Variants in GALK2 observed in about 807,000 individuals in gnomAD.
The protein encoded by GALK2 is N-acetylgalactosamine kinase.
A neutral mutation model predicts 52.4 loss-of-function variants in GALK2; 36 were observed. That is an observed-to-expected ratio of 0.69 (90% CI 0.53 to 0.91). The LOEUF (loss-of-function observed/expected upper bound fraction) is 0.91, where lower values mean the gene tolerates loss of function less well. GALK2 is among the 40% of genes least tolerant of loss of function. The pLI is 0.00. For synonymous variants in GALK2, 176 were observed against 199.1 expected (o/e 0.88, Z 0.98); for missense variants, 579 against 559.1 (o/e 1.04, Z -0.36).
chr15:49,168,911 T>C (rs1212954049), upstream of GALK2, among the ~76,000 whole-genome samples: 4 of 151,796 alleles, frequency 2.6e-5, no homozygotes, highest in African/African-American at 9.7e-5. Context: ...CAAGAAGATA[T>C]AATTCATTCA....
chr15:49,314,101 A>G (rs11632038), intron 8 of GALK2, among the ~76,000 whole-genome samples: 22,311 of 152,182 alleles, frequency 0.15, 2,150 homozygotes, highest in Non-Finnish European at 0.2. Flanking sequence ...AAAATAACCA[A>G]TTATGTGTGC....
chr15:49,208,343 A>G (rs955814395), intron 2 of GALK2, among the ~76,000 whole-genome samples: 2 of 152,104 alleles, frequency 1.3e-5, no homozygotes, highest in Non-Finnish European at 2.9e-5. Context: ...AGGTTTTGAT[A>G]GGTTGTGTCA....
At position 49,331,203 on chromosome 15, in the gene GALK2, C is replaced by T. The variant is rs1272852535; in HGVS notation, c.*3044C>T. Reference sequence around the variant, plus strand: ...CCCTGACCTCCAATTGTCCAGCATTCAGACATATTGTACACTAGTCTCTAC... The same window carrying T: ...CCCTGACCTCCAATTGTCCAGCATTTAGACATATTGTACACTAGTCTCTAC... On this transcript the variant is annotated 3_prime_UTR_variant, in exon 10 of 10. Transcript: ENST00000560031. The T allele has an allele frequency of 1.3e-5, 2 of 152,320 alleles. No individual in the cohort carries two copies. Among genetic ancestry groups the T allele is most frequent in the Non-Finnish European group, 2.9e-5 (2 of 68,128 alleles). 9.4% of individuals were successfully genotyped at this position (152,320 alleles called of 1,614,324 possible). A position where few individuals can be genotyped will look rare whatever the true frequency, so the allele number is the denominator to read the frequency against.
At chr15:49,174,962 T>C (rs1050404381) in intron 1 of GALK2, among the ~76,000 whole-genome samples, 5 of 152,166 alleles carry the variant, frequency 3.3e-5, no homozygotes, top group Non-Finnish European at 7.3e-5. Flanking sequence ...ACTGAAGGTG[T>C]TCTAACTTCG....
intron 3 of GALK2, 86 bp from the exon 4 acceptor site, chr15:49,235,765 T>G: frequency 1.2e-6 from 1 of 864,976 alleles, no homozygotes. Context: ...TATCGCTGTG[T>G]TGGCACAAGA....
At chr15:49,266,957 G>A (rs1056718495) in intron 5 of GALK2, among the ~76,000 whole-genome samples, 5 of 152,264 alleles carry the variant, frequency 3.3e-5, no homozygotes, top group African/African-American at 9.6e-5. Context: ...TAATTTCAGG[G>A]GATTGAGAGT....
At position 49,367,603 on chromosome 15, in the gene GALK2, G is replaced by A. The variant is rs1376517157; in HGVS notation, c.*67G>A. 5.8e-6 allele frequency: 9 copies of A among 1,559,294 alleles called. No homozygotes were observed. In the African/African-American group the frequency reaches 1.3e-4, roughly 22 times the overall value. ...TAAACTCTGGACCAGTACTACTATA[G>A]TGCGACTGTAAGAGGAAGAAAATAA... On this transcript the variant is annotated 3_prime_UTR_variant, in exon 4 of 4. Transcript: ENST00000558399.
chr15:49,189,254 A>G (rs527804352), intron 1 of GALK2, among the ~76,000 whole-genome samples: 1 of 152,308 alleles, frequency 6.6e-6, no homozygotes, highest in Admixed American at 6.5e-5. Flanking sequence ...TTGAATGCGT[A>G]TTTCCTAAAC....
At chr15:49,229,791 C>T (rs1488168717) in intron 3 of GALK2, among the ~76,000 whole-genome samples, 6 of 152,050 alleles carry the variant, frequency 3.9e-5, no homozygotes, top group Non-Finnish European at 8.8e-5. Context: ...TGGCAGCAGT[C>T]GTAGACAATT....
At chr15:49,197,740 A>G (rs75247230) in intron 1 of GALK2, among the ~76,000 whole-genome samples, 2,726 of 152,212 alleles carry the variant, frequency 0.018, 37 homozygotes, top group Middle Eastern at 0.031. Flanking sequence ...GTAATTATAT[A>G]CTATGGTACA....
intron 2 of GALK2, among the ~76,000 whole-genome samples, chr15:49,216,733 C>G (rs1372484118): frequency 2.0e-5 from 3 of 152,216 alleles, no homozygotes; most frequent in African/African-American, 7.2e-5. Context: ...TAAATGCCCC[C>G]TCCTTGGGTG....
intron 3 of GALK2, 33 bp downstream of exon 3, chr15:49,217,346 G>A (rs769017524): frequency 6.2e-7 from 1 of 1,607,768 alleles, no homozygotes; most frequent in South Asian, 1.1e-5. Context: ...GTGTGTGTAT[G>A]TATGGTTCTG....
intron 2 of GALK2, among the ~76,000 whole-genome samples, chr15:49,209,847 A>G (rs1425153503): frequency 6.6e-6 from 1 of 152,172 alleles, no homozygotes; most frequent in Non-Finnish European, 1.5e-5. Context: ...TGCTGGCCTC[A>G]TAGAATAGTT....
At chr15:49,280,037 G>A (rs1057444154) in intron 5 of GALK2, among the ~76,000 whole-genome samples, 2 of 152,332 alleles carry the variant, frequency 1.3e-5, no homozygotes, top group East Asian at 3.9e-4. Flanking sequence ...GAAATTGAAA[G>A]CAGCAGGTGT....
At chr15:49,305,528 C>T (rs1269106634) in intron 8 of GALK2, among the ~76,000 whole-genome samples, 1 of 152,138 alleles carries the variant, frequency 6.6e-6, no homozygotes, top group African/African-American at 2.4e-5. Context: ...TCAAGGGCCA[C>T]TGATGGAACA....
rs1344285680 is a variant in GALK2 at position 49,359,340 on chromosome 15, C to G, written c.427-8151C>G. ...GAGAAAATTTTCGCAACCTACTCAT[C>G]TGACAAAGGGCTAATATCCAGAATC... On this transcript the variant is annotated intron_variant, in intron 3 of 3. Transcript: ENST00000558399. Among the ~76,000 whole-genome samples the G allele has an allele frequency of 3.0e-4, 36 of 120,036 alleles. 3 individuals carry two copies. Among genetic ancestry groups the G allele is most frequent in the African/African-American group, 1.1e-3 (34 of 31,340 alleles). The allele number at this position is 120,036 out of a possible 152,430, so 78.7% of individuals were successfully genotyped here. A position where few individuals can be genotyped will look rare whatever the true frequency, so the allele number is the denominator to read the frequency against.
In GALK2 at chr15:49,329,188, A is replaced by C; in HGVS notation, c.*1029A>C. 1 of 986,804 alleles carries C rather than the reference A, an allele frequency of 1.0e-6. No individual in the cohort carries two copies. Among genetic ancestry groups the C allele is most frequent in the Non-Finnish European group, 1.2e-6 (1 of 830,866 alleles). The allele number at this position is 986,804 out of a possible 1,614,324, so 61.1% of individuals were successfully genotyped here. A position where few individuals can be genotyped will look rare whatever the true frequency, so the allele number is the denominator to read the frequency against. ...TATGTGGGTGAAAGTGACTATGAAA[A>C]GACTTAATGAATTCTGGGATTTGTA... On this transcript the variant is annotated 3_prime_UTR_variant, in exon 10 of 10. Transcript: ENST00000560031.
chr15:49,185,523 A>G (rs73390392), intron 1 of GALK2: 28,390 of 152,182 alleles, frequency 0.19, 2,800 homozygotes, highest in Non-Finnish European at 0.21. Context: ...GTCAAATGGT[A>G]GGTCTGTTTT....
intron 5 of GALK2, among the ~76,000 whole-genome samples, chr15:49,240,535 A>T (rs1350388134): frequency 6.6e-6 from 1 of 152,224 alleles, no homozygotes; most frequent in East Asian, 1.9e-4. Flanking sequence ...CTATGGGAGC[A>T]GATATAACCC....
Sources: allele counts gnomAD v4.1 joint callset (sites outside exome capture counted in the v4.1 genomes callset), GRCh38; gene constraint gnomAD v4.1.1; transcripts MANE v1.5; gene names NCBI Gene and HGNC (gene_info 2026-07-23, HGNC 2026-07-21).